SLC68A1: variants seen among roughly 807,000 people sequenced by gnomAD.
SLC68A1 encodes solute carrier family 68 member 1.
At chr10:102,473,738 C>T in the SLC68A1 span, 251 of 1,611,884 alleles carry the variant, frequency 1.6e-4, 3 homozygotes, top group East Asian at 4.9e-3. Flanking sequence ...CTCTTCATTG[C>T]CAGGTATGCC....
the SLC68A1 span, chr10:102,472,358 G>A: frequency 7.7e-6 from 2 of 260,512 alleles, no homozygotes; most frequent in Non-Finnish European, 1.5e-5. Context: ...TGCCTCCTGG[G>A]TTCAAATGAT....
chr10:102,473,810 C>G, the SLC68A1 span: 1 of 1,609,092 alleles, frequency 6.2e-7, no homozygotes, highest in Non-Finnish European at 8.5e-7. Context: ...CTCTCTCCCT[C>G]TACTGCAGCA....
chr10:102,472,799 C>A, the SLC68A1 span: 1 of 1,385,272 alleles, frequency 7.2e-7, no homozygotes, highest in Non-Finnish European at 1.0e-6. Flanking sequence ...TGGCTTCTGG[C>A]CTTGTCAGCT....
At chr10:102,469,248 T>G in the SLC68A1 span, 1 of 1,588,716 alleles carries the variant, frequency 6.3e-7, no homozygotes, top group Non-Finnish European at 8.6e-7. Flanking sequence ...GGGTGGAGAC[T>G]AGAGGCTGCC....
the SLC68A1 span, chr10:102,468,666 C>CAAA: frequency 8.7e-5 from 14 of 161,464 alleles, no homozygotes; most frequent in South Asian, 1.1e-4. Context: ...GACTCTGTCT[C>CAAA]AAAAAAAAAA....
chr10:102,470,136 G>A, the SLC68A1 span: 2 of 1,485,644 alleles, frequency 1.3e-6, no homozygotes, highest in Non-Finnish European at 1.9e-6. Context: ...ACCCAGGAGG[G>A]AGGACCCCTG....
chr10:102,467,718 G>A, the SLC68A1 span, among the ~76,000 whole-genome samples: 2 of 151,982 alleles, frequency 1.3e-5, no homozygotes, highest in Admixed American at 6.6e-5. Flanking sequence ...GTGCGTTGGC[G>A]CAATCTTGGC....
At chr10:102,469,831 G>A in the SLC68A1 span, 105,927 of 984,788 alleles carry the variant, frequency 0.11, 6,699 homozygotes, top group East Asian at 0.41. Context: ...AGCCACCAGC[G>A]CCTGGCCAGA....
chr10:102,471,422 C>G, the SLC68A1 span: 5 of 1,601,634 alleles, frequency 3.1e-6, no homozygotes, highest in Admixed American at 8.4e-5. Flanking sequence ...CCCGGCCCCT[C>G]TACAGCTGGG....
chr10:102,468,836 C>T, the SLC68A1 span: 30 of 572,950 alleles, frequency 5.2e-5, no homozygotes, highest in African/African-American at 4.3e-4. Flanking sequence ...TAATTCCCAG[C>T]GCTGTTGTAA....
the SLC68A1 span, chr10:102,476,074 A>ATTTT: frequency 4.3e-6 from 5 of 1,167,594 alleles, no homozygotes; most frequent in Admixed American, 5.0e-5. Flanking sequence ...AGGATTTCAT[A>ATTTT]GTTTTTTTTT....
At chr10:102,476,836 C>T in the SLC68A1 span, 1 of 985,694 alleles carries the variant, frequency 1.0e-6, no homozygotes, top group Non-Finnish European at 1.2e-6. Flanking sequence ...ACTGCAACTG[C>T]TCCCTTTTGC....
At chr10:102,471,449 G>A in the SLC68A1 span, 2 of 1,590,740 alleles carry the variant, frequency 1.3e-6, no homozygotes, top group Middle Eastern at 2.2e-4. Context: ...TTCACTCAAG[G>A]GGACAGACTC....
the SLC68A1 span, chr10:102,462,030 C>T: frequency 6.6e-6 from 1 of 152,158 alleles, no homozygotes; most frequent in Non-Finnish European, 1.5e-5. Flanking sequence ...GGTGGGTGGT[C>T]CTGAGGTGAA....
At chr10:102,476,775 G>C in the SLC68A1 span, 1 of 986,040 alleles carries the variant, frequency 1.0e-6, no homozygotes, top group Non-Finnish European at 1.2e-6. Context: ...AGCCCATCCC[G>C]CTGCCTGACT....
the SLC68A1 span, chr10:102,469,031 T>C: frequency 1.2e-6 from 2 of 1,611,880 alleles, no homozygotes; most frequent in Admixed American, 1.7e-5. Flanking sequence ...GCTGCAGCCA[T>C]GGGGCTGGGT....
chr10:102,474,112 A>G, the SLC68A1 span: 4 of 1,307,080 alleles, frequency 3.1e-6, no homozygotes, highest in Non-Finnish European at 4.1e-6. Flanking sequence ...CAGTGACGGA[A>G]GGTGGCAACT....
At chr10:102,470,562 C>G in the SLC68A1 span, 3 of 1,524,192 alleles carry the variant, frequency 2.0e-6, no homozygotes, top group Admixed American at 2.1e-5. Flanking sequence ...GTTGTGAGTC[C>G]CACACCCTGG....
chr10:102,469,803 T>C, the SLC68A1 span: 1 of 982,258 alleles, frequency 1.0e-6, no homozygotes, highest in Non-Finnish European at 1.2e-6. Flanking sequence ...TGCCTCGGCC[T>C]CCCAAAGTGC....
Sources: allele counts gnomAD v4.1 joint callset (sites outside exome capture counted in the v4.1 genomes callset), GRCh38; gene constraint gnomAD v4.1.1; transcripts MANE v1.5; gene names NCBI Gene and HGNC (gene_info 2026-07-23, HGNC 2026-07-21).